The following SCEL variants were observed in gnomAD, a reference collection of about 807,000 sequenced individuals.
The protein encoded by SCEL is sciellin.
In SCEL, 113 loss-of-function variants were observed where a neutral mutation model predicts 117.6. The observed-to-expected ratio is 0.96, with a 90% confidence interval of 0.83 to 1.12. SCEL has a LOEUF of 1.12. SCEL is among the 50% of genes most tolerant of loss of function. The pLI, the probability that SCEL is intolerant of heterozygous loss-of-function variation, is 0.00. For synonymous variants in SCEL, 270 were observed against 256.2 expected, an observed-to-expected ratio of 1.05 and a Z score of -0.51; for missense variants, 785 against 810.8, an observed-to-expected ratio of 0.97 and a Z score of 0.39.
chr13:77,595,430 A>G (rs2087166764), intron 12 of SCEL, among the ~76,000 whole-genome samples: 1 of 152,214 alleles, frequency 6.6e-6, no homozygotes, highest in African/African-American at 2.4e-5. Flanking sequence ...AGCTTTCATC[A>G]ATTTAAAGTC....
chr13:77,603,787 A>G (rs908927831), intron 18 of SCEL, among the ~76,000 whole-genome samples: 2 of 152,218 alleles, frequency 1.3e-5, no homozygotes, highest in South Asian at 2.1e-4. Context: ...TTTGCTCACC[A>G]TGATCCATGA....
intron 1 of SCEL, among the ~76,000 whole-genome samples, chr13:77,536,047 T>C (rs1473609155): frequency 6.6e-6 from 1 of 152,106 alleles, no homozygotes; most frequent in Non-Finnish European, 1.5e-5. Context: ...GTTATGGGCA[T>C]CACAGAAACG....
intron 9 of SCEL, among the ~76,000 whole-genome samples, chr13:77,573,722 A>G (rs1345915424): frequency 7.2e-5 from 11 of 151,892 alleles, no homozygotes; most frequent in Non-Finnish European, 1.2e-4. Flanking sequence ...TTGTCTGTCT[A>G]CCTATCTATA....
At chr13:77,590,796 G>A (rs902046855) in intron 10 of SCEL, among the ~76,000 whole-genome samples, 1 of 151,896 alleles carries the variant, frequency 6.6e-6, no homozygotes, top group South Asian at 2.1e-4. Context: ...AAAAATAGTC[G>A]AATATAGCTT....
At chr13:77,612,456 CTTTTTTTTTTTTTTT>C (rs71102764) in intron 22 of SCEL, among the ~76,000 whole-genome samples, 8 of 93,602 alleles carry the variant, frequency 8.5e-5, no homozygotes, top group African/African-American at 2.5e-4. Flanking sequence ...TTTTTCTTTT[CTTTTTTTTTTTTTTT>C]TTTTTTTTTT....
chr13:77,602,507 A>G lies in SCEL; in HGVS notation c.978-147A>G. The G allele has an allele frequency of 4.6e-6, 3 of 654,608 alleles. No individual in the cohort carries two copies. In the South Asian group the frequency reaches 6.3e-5, roughly 14 times the overall value. 40.5% of individuals were successfully genotyped at this position (654,608 alleles called of 1,614,324 possible). A position where few individuals can be genotyped will look rare whatever the true frequency, so the allele number is the denominator to read the frequency against. ...TGCTATTGTGGAAATTACTAAAGGT[A>G]AGTTAAGGATAATTACATCAAAGCT... On this transcript the variant is annotated intron_variant, in intron 16 of 32. Transcript: ENST00000349847.
intron 1 of SCEL, among the ~76,000 whole-genome samples, chr13:77,553,293 C>G (rs1341078160): frequency 2.0e-5 from 3 of 152,216 alleles, no homozygotes; most frequent in Non-Finnish European, 4.4e-5. Context: ...GTAAAATACT[C>G]TTTCTCCATA....
intron 19 of SCEL, among the ~76,000 whole-genome samples, chr13:77,605,230 TG>T (rs2088061040): frequency 1.9e-5 from 2 of 104,286 alleles, no homozygotes; most frequent in African/African-American, 4.3e-5. Flanking sequence ...GATTCTAACA[TG>T]TGTCATGGAT....
At chr13:77,593,257 G>GAGTGTGT (rs1567391481) in intron 11 of SCEL, among the ~76,000 whole-genome samples, 4 of 101,834 alleles carry the variant, frequency 3.9e-5, no homozygotes, top group South Asian at 3.5e-4. Context: ...ATAACAGAGG[G>GAGTGTGT]GAGTGTGTGT....
chr13:77,599,405 C>T lies in SCEL; in HGVS notation c.857+17C>T, dbSNP rs1022123868. 3.7e-6 allele frequency: 6 copies of T among 1,602,014 alleles called. No homozygotes were observed. Among genetic ancestry groups the T allele is most frequent in the Non-Finnish European group, 5.1e-6 (6 of 1,170,456 alleles). ...AGAGAAAAGGTAAGTGCATCTGTCT[C>T]AAATATGAAAATCTTACCTTGCAGA... On this transcript the variant is annotated intron_variant, in intron 14 of 32. Coordinates refer to ENST00000349847, the MANE Select transcript of SCEL (RefSeq NM_144777.3).
intron 9 of SCEL, among the ~76,000 whole-genome samples, chr13:77,572,894 T>G (rs1191422004): frequency 6.6e-6 from 1 of 152,156 alleles, no homozygotes; most frequent in Admixed American, 6.5e-5. Flanking sequence ...ACAGTGACAG[T>G]GGGAGAGAAC....
intron 20 of SCEL, 40 bp from the exon 21 acceptor site, chr13:77,609,018 C>T (rs1267858952): frequency 2.7e-6 from 4 of 1,460,870 alleles, no homozygotes; most frequent in Non-Finnish European, 3.7e-6. Flanking sequence ...TGATTTAATT[C>T]CATTTTTATT....
At chr13:77,554,623 T>C (rs1237469534) in intron 1 of SCEL, among the ~76,000 whole-genome samples, 1 of 152,194 alleles carries the variant, frequency 6.6e-6, no homozygotes, top group African/African-American at 2.4e-5. Flanking sequence ...TTAAGTCCAA[T>C]AGCATTGATA....
chr13:77,564,419 A>G (rs1310210469), intron 5 of SCEL, among the ~76,000 whole-genome samples: 2 of 152,172 alleles, frequency 1.3e-5, no homozygotes, highest in East Asian at 3.8e-4. Context: ...GGCTGATAGA[A>G]TGAGTCCAAC....
At position 77,555,794 on chromosome 13, in the gene SCEL, A is replaced by G. The variant is rs2084621199; in HGVS notation, c.-19-63A>G. The G allele has an allele frequency of 3.8e-6, 4 of 1,050,990 alleles. No homozygotes were observed. In the East Asian group the frequency reaches 7.1e-5, roughly 19 times the overall value. 65.1% of individuals were successfully genotyped at this position (1,050,990 alleles called of 1,614,324 possible). A position where few individuals can be genotyped will look rare whatever the true frequency, so the allele number is the denominator to read the frequency against. On this transcript the variant is annotated intron_variant, in intron 1 of 32. Coordinates refer to ENST00000349847, the MANE Select transcript of SCEL (RefSeq NM_144777.3). The stretch of plus-strand genomic sequence containing the variant: ...TTGAAAAGTGAATCTCAGTCATGAA[A>G]CAGTCACTTACAGGTTCTCAGAGTC...
At chr13:77,602,330 C>A in intron 16 of SCEL, 1 of 507,376 alleles carries the variant, frequency 2.0e-6, no homozygotes, top group Admixed American at 3.6e-5. Context: ...TGCAGGAAAA[C>A]CTGCTACATA....
At chr13:77,562,038 G>C (rs1195860109) in intron 4 of SCEL, among the ~76,000 whole-genome samples, 1 of 152,134 alleles carries the variant, frequency 6.6e-6, no homozygotes, top group Non-Finnish European at 1.5e-5. Flanking sequence ...TACATGTTCT[G>C]GTAGATCATT....
rs558891173 is a variant in SCEL at position 77,546,578 on chromosome 13, C to A, written c.-19-9279C>A. Among the ~76,000 whole-genome samples the A allele has an allele frequency of 3.7e-4, 56 of 152,014 alleles. No individual in the cohort carries two copies. The South Asian group carries it at 0.011, about 31-fold the overall frequency. The stretch of plus-strand genomic sequence containing the variant: ...ACATATGTTTTGTTGATAAAAGAAT[C>A]ACACATATCTTTTGTAGACTCCTGT... On this transcript the variant is annotated intron_variant, in intron 1 of 32. Transcript: ENST00000349847.
At chr13:77,597,479 C>A (rs779954206) in intron 12 of SCEL, 66 bp from the exon 13 acceptor site, 150 of 889,272 alleles carry the variant, frequency 1.7e-4, no homozygotes, top group Non-Finnish European at 2.3e-4. Context: ...CATTTTAAGG[C>A]AAATTTACCC....
Sources: gnomAD v4.1 joint callset for allele counts (sites outside exome capture counted in the v4.1 genomes callset) on GRCh38, gnomAD v4.1.1 for gene constraint, MANE v1.5 for transcripts, NCBI Gene and HGNC (gene_info 2026-07-23, HGNC 2026-07-21) for gene names.